Variants in CNKSR2 observed in about 807,000 individuals in gnomAD.
The protein encoded by CNKSR2 is connector enhancer of kinase suppressor of Ras 2.
Under a neutral mutation model 84.4 loss-of-function variants are expected in CNKSR2, and 14 were observed. The ratio of observed to expected loss-of-function variants is 0.17; its 90% CI spans 0.11 to 0.26. The LOEUF (loss-of-function observed/expected upper bound fraction) is 0.26. Ranked by LOEUF, CNKSR2 falls within the 10% of genes least tolerant of loss-of-function variation. The pLI, the probability that CNKSR2 is intolerant of heterozygous loss-of-function variation, is 1.00. For synonymous variants in CNKSR2, 275 were observed against 277.9 expected (o/e 0.99, Z 0.10); for missense variants, 485 against 771.2 (o/e 0.63, Z 4.40).
intron 4 of CNKSR2, among the ~76,000 whole-genome samples, chrX:21,450,441 G>T (rs890903695): frequency 9.0e-6 from 1 of 111,079 alleles, no homozygotes; most frequent in African/African-American, 3.3e-5. Context: ...CACAATTACT[G>T]AAAAGAAATG....
At chrX:21,584,724 G>A (rs2092374851) in intron 13 of CNKSR2, among the ~76,000 whole-genome samples, 1 of 111,405 alleles carries the variant, frequency 9.0e-6, no homozygotes, top group Admixed American at 9.5e-5. Context: ...GGATGGGACT[G>A]TACTTGGCAT....
intron 20 of CNKSR2, among the ~76,000 whole-genome samples, chrX:21,636,812 T>TAC: frequency 9.0e-6 from 1 of 110,816 alleles, no homozygotes; most frequent in Middle Eastern, 4.7e-3. Flanking sequence ...TATATATATA[T>TAC]ACACCCATAG....
chrX:21,408,614 C>G lies in CNKSR2; in HGVS notation c.65-17883C>G, dbSNP rs1006739096. ...CCCCCAACCTCCACTCCACTCCACT[C>G]CACGTTCTTTTTTGTCTTGCTTAGT... is the stretch of plus-strand genomic sequence containing the variant. On this transcript the variant is annotated intron_variant, in intron 1 of 21. Transcript: ENST00000379510. Among the ~76,000 whole-genome samples, 13 of 111,438 alleles carry G rather than the reference C, an allele frequency of 1.2e-4. No individual in the cohort carries two copies. In the Admixed American group the frequency reaches 1.2e-3, roughly 11 times the overall value.
chrX:21,505,779 C>A (rs2091606802), intron 8 of CNKSR2: 1 of 111,432 alleles, frequency 9.0e-6, no homozygotes, highest in African/African-American at 3.3e-5. Context: ...TCTCAATTTA[C>A]CTCCTTCCCT....
intron 20 of CNKSR2, among the ~76,000 whole-genome samples, chrX:21,630,987 A>C (rs1453014108): frequency 9.0e-6 from 1 of 111,135 alleles, no homozygotes; most frequent in Non-Finnish European, 1.9e-5. Context: ...AAGCTTTGAC[A>C]TGATTCCTTT....
chrX:21,396,048 C>T (rs111943954), intron 1 of CNKSR2, among the ~76,000 whole-genome samples: 2 of 110,365 alleles, frequency 1.8e-5, no homozygotes, highest in Non-Finnish European at 3.8e-5. Context: ...TTCTTTTTTC[C>T]TTTTTCTATA....
intron 1 of CNKSR2, among the ~76,000 whole-genome samples, chrX:21,384,202 C>T (rs951442719): frequency 9.0e-6 from 1 of 111,429 alleles, no homozygotes; most frequent in East Asian, 2.8e-4. Flanking sequence ...CTGGAACTTA[C>T]GTAGAAACCA....
intron 13 of CNKSR2, among the ~76,000 whole-genome samples, chrX:21,586,528 G>C (rs1024344730): frequency 4.5e-5 from 5 of 111,268 alleles, no homozygotes; most frequent in African/African-American, 1.6e-4. Context: ...ATCCCTCCAG[G>C]AAGAACCTTC....
intron 4 of CNKSR2, among the ~76,000 whole-genome samples, chrX:21,450,634 A>G (rs1025134796): frequency 2.7e-5 from 3 of 111,763 alleles, no homozygotes; most frequent in African/African-American, 9.7e-5. Flanking sequence ...TTATGATAGT[A>G]TTTGATTTTA....
intron 4 of CNKSR2, among the ~76,000 whole-genome samples, chrX:21,452,406 T>G (rs966802287): frequency 8.9e-6 from 1 of 111,839 alleles, no homozygotes; most frequent in Non-Finnish European, 1.9e-5. Flanking sequence ...CTAAATGAAT[T>G]TTCTAATCGT....
intron 12 of CNKSR2, 115 bp from the exon 13 acceptor site, chrX:21,563,123 G>A: frequency 5.6e-6 from 3 of 537,742 alleles, no homozygotes; most frequent in South Asian, 7.8e-5. Flanking sequence ...GCAATTAAAA[G>A]TAATGGGAAA....
chrX:21,552,912 A>G (rs2092106105), intron 11 of CNKSR2, among the ~76,000 whole-genome samples: 1 of 112,203 alleles, frequency 8.9e-6, no homozygotes, highest in Non-Finnish European at 1.9e-5. Flanking sequence ...ACACTGAATA[A>G]TGACTGGAGA....
At chrX:21,472,419 CA>C (rs1252470586) in intron 5 of CNKSR2, among the ~76,000 whole-genome samples, 2 of 111,588 alleles carry the variant, frequency 1.8e-5, no homozygotes, top group Non-Finnish European at 3.8e-5. Flanking sequence ...ATGTTAGTAT[CA>C]AAAAGAGCTG....
intron 18 of CNKSR2, among the ~76,000 whole-genome samples, chrX:21,602,221 T>C (rs1167329149): frequency 9.0e-6 from 1 of 111,446 alleles, no homozygotes; most frequent in Non-Finnish European, 1.9e-5. Flanking sequence ...CTTGACTCAC[T>C]GCAGCCTCGA....
At chrX:21,467,280 C>A (rs2091140422) in intron 4 of CNKSR2, among the ~76,000 whole-genome samples, 1 of 111,242 alleles carries the variant, frequency 9.0e-6, no homozygotes, top group African/African-American at 3.3e-5. Flanking sequence ...TCAACTAGAT[C>A]CGTACTTCTG....
rs2092442680 is a variant in CNKSR2 at position 21,594,848 on chromosome X, A to G, written c.1831-126A>G. On this transcript the variant is annotated intron_variant, in intron 15 of 21. Coordinates refer to ENST00000379510, the MANE Select transcript of CNKSR2 (RefSeq NM_014927.5). The stretch of plus-strand genomic sequence containing the variant: ...GGTAAGCATTGAATTCTTATCTCTA[A>G]AATGTCAAATTTAAGGAATTAAAGG... 4 of 452,960 alleles carry G rather than the reference A, an allele frequency of 8.8e-6. No homozygotes were observed. In the East Asian group the frequency reaches 1.5e-4, roughly 17 times the overall value. The allele number at this position is 452,960 out of a possible 1,213,427, so 37.3% of individuals were successfully genotyped here. A position where few individuals can be genotyped will look rare whatever the true frequency, so the allele number is the denominator to read the frequency against.
chrX:21,485,308 G>A (rs2091370778), intron 5 of CNKSR2, among the ~76,000 whole-genome samples: 1 of 111,491 alleles, frequency 9.0e-6, no homozygotes, highest in Non-Finnish European at 1.9e-5. Context: ...CTTATTATTG[G>A]TTAATGTCTT....
At chrX:21,475,681 C>T (rs751982341) in intron 5 of CNKSR2, among the ~76,000 whole-genome samples, 2 of 110,973 alleles carry the variant, frequency 1.8e-5, no homozygotes, top group Non-Finnish European at 3.8e-5. Context: ...ACCCCTAAAT[C>T]TTTATTTTGT....
chrX:21,390,557 G>A (rs1360811074), intron 1 of CNKSR2, among the ~76,000 whole-genome samples: 1 of 111,175 alleles, frequency 9.0e-6, no homozygotes, highest in Non-Finnish European at 1.9e-5. Context: ...TCACTATCAC[G>A]AGAACAGCAA....
Sources: allele counts gnomAD v4.1 joint callset (sites outside exome capture counted in the v4.1 genomes callset), GRCh38; gene constraint gnomAD v4.1.1; transcripts MANE v1.5; gene names NCBI Gene and HGNC (gene_info 2026-07-23, HGNC 2026-07-21).